The following EXOC4 variants were observed in gnomAD, a reference collection of about 807,000 sequenced individuals.
EXOC4 encodes the protein exocyst complex component 4.
EXOC4 carries 71 observed loss-of-function variants against 107.2 expected under a neutral mutation model. The ratio of observed to expected loss-of-function variants is 0.66; its 90% confidence interval spans 0.55 to 0.81. EXOC4 has a LOEUF of 0.81. Ranked by LOEUF, EXOC4 falls within the 30% of genes least tolerant of loss-of-function variation. The pLI, the probability that EXOC4 is intolerant of heterozygous loss-of-function variation, is 0.00. For synonymous variants in EXOC4, 456 were observed against 441.2 expected (o/e 1.03, Z -0.42); for missense variants, 1,108 against 1,189.6 (o/e 0.93, Z 1.01).
intron 7 of EXOC4, among the ~76,000 whole-genome samples, chr7:133,400,723 G>A (rs930456150): frequency 6.6e-6 from 1 of 152,034 alleles, no homozygotes; most frequent in Non-Finnish European, 1.5e-5. Flanking sequence ...GTTTGTTTTG[G>A]GCCCTCCTTT....
intron 7 of EXOC4, among the ~76,000 whole-genome samples, chr7:133,400,509 A>G (rs999135198): frequency 2.0e-5 from 3 of 152,122 alleles, no homozygotes; most frequent in Non-Finnish European, 4.4e-5. Context: ...GTGTTTTTAC[A>G]GTGTTGTCTC....
intron 8 of EXOC4, 138 bp from the exon 9 acceptor site, chr7:133,479,912 T>C (rs1374247938): frequency 1.4e-5 from 10 of 704,244 alleles, no homozygotes; most frequent in Non-Finnish European, 2.3e-5. Flanking sequence ...GGCCCTGTCA[T>C]GGTATAGCCA....
intron 14 of EXOC4, among the ~76,000 whole-genome samples, chr7:133,950,344 A>C (rs1800660928): frequency 6.6e-6 from 1 of 152,202 alleles, no homozygotes; most frequent in Admixed American, 6.5e-5. Flanking sequence ...TGAAATTTTT[A>C]ACTATTTTAA....
chr7:133,357,050 GCTGT>G (rs1158217991), intron 6 of EXOC4, among the ~76,000 whole-genome samples: 3 of 152,176 alleles, frequency 2.0e-5, no homozygotes, highest in African/African-American at 4.8e-5. Context: ...GCATAATTCA[GCTGT>G]CTGTTTTTTA....
At chr7:133,645,988 T>G (rs1315839849) in intron 10 of EXOC4, among the ~76,000 whole-genome samples, 1 of 152,182 alleles carries the variant, frequency 6.6e-6, no homozygotes, top group Admixed American at 6.5e-5. Context: ...GTCTGTAAAC[T>G]CCTTAAGTTA....
At chr7:133,929,442 C>A (rs2116691346) in intron 13 of EXOC4, among the ~76,000 whole-genome samples, 1 of 151,676 alleles carries the variant, frequency 6.6e-6, no homozygotes, top group South Asian at 2.1e-4. Flanking sequence ...ACCTACTGCT[C>A]CCAAATACAC....
At chr7:133,901,752 C>G (rs574843321) in intron 12 of EXOC4, among the ~76,000 whole-genome samples, 1 of 152,082 alleles carries the variant, frequency 6.6e-6, no homozygotes, top group Non-Finnish European at 1.5e-5. Flanking sequence ...CATAATCTGC[C>G]CTATAAAAGA....
At chr7:133,607,544 G>A (rs1801977598) in intron 9 of EXOC4, among the ~76,000 whole-genome samples, 1 of 152,142 alleles carries the variant, frequency 6.6e-6, no homozygotes, top group Admixed American at 6.5e-5. Context: ...CCAGCATCAA[G>A]CTCCAATATG....
In EXOC4 at chr7:133,253,192, G is replaced by A. The variant is rs2150493317; in HGVS notation, c.86+5G>A. ...GCTGCTCATCTCTGTGATCAGGTGAGGGAGGCAGGAGGCAGGGTCTGGGGA... is the reference window on the plus strand; with the variant it reads ...GCTGCTCATCTCTGTGATCAGGTGAAGGAGGCAGGAGGCAGGGTCTGGGGA... On this transcript the variant is annotated splice_donor_5th_base_variant and intron_variant, in intron 1 of 17. Coordinates refer to ENST00000253861, the MANE Select transcript of EXOC4 (RefSeq NM_021807.4). 4 of 1,613,768 alleles carry A rather than the reference G, an allele frequency of 2.5e-6. No homozygotes were observed. Among genetic ancestry groups the A allele is most frequent in the Non-Finnish European group, 3.4e-6 (4 of 1,179,742 alleles).
intron 6 of EXOC4, among the ~76,000 whole-genome samples, chr7:133,367,908 G>A (rs1476752562): frequency 6.6e-6 from 1 of 152,134 alleles, no homozygotes; most frequent in Non-Finnish European, 1.5e-5. Context: ...CTTCATTTCA[G>A]TCTTACTTTC....
chr7:133,588,883 A>G (rs1801470159), intron 9 of EXOC4, among the ~76,000 whole-genome samples: 1 of 151,304 alleles, frequency 6.6e-6, no homozygotes, highest in Non-Finnish European at 1.5e-5. Flanking sequence ...GTCTCAAAAA[A>G]GTGTGTGTGT....
chr7:133,472,874 G>T (rs1798917487), intron 7 of EXOC4, among the ~76,000 whole-genome samples: 1 of 151,932 alleles, frequency 6.6e-6, no homozygotes, highest in Non-Finnish European at 1.5e-5. Flanking sequence ...CTGATGATGA[G>T]AAAAAGAAAA....
chr7:133,374,993 T>C lies in EXOC4; in HGVS notation c.1173T>C (p.Asp391=), dbSNP rs972748042. The C allele has an allele frequency of 6.2e-7, 1 of 1,613,074 alleles. No individual in the cohort carries two copies. The highest frequency in any genetic ancestry group is 1.7e-5 in the Admixed American group (1 of 59,998). Residue 391 remains aspartate, a synonymous_variant, in exon 7 of 18, where the codon GAT becomes GAC. Transcript: ENST00000253861. ...CAGATGTATGGGTGAAGATCCAAGA[T>C]GTTCTACAGGTAAGAGCCTTTTACA... The part of the protein sequence containing the change: ...DMADVWVKIQ[D]VLQMLLTEYL...
At chr7:134,035,525 A>G (rs79233329) in intron 17 of EXOC4, among the ~76,000 whole-genome samples, 1 of 152,210 alleles carries the variant, frequency 6.6e-6, no homozygotes, top group Admixed American at 6.5e-5. Context: ...AGTATTACAG[A>G]TGAGCCATAT....
At chr7:133,687,665 G>A (rs974400613) in intron 10 of EXOC4, among the ~76,000 whole-genome samples, 3 of 152,206 alleles carry the variant, frequency 2.0e-5, no homozygotes, top group Admixed American at 6.5e-5. Context: ...TTCTTCCTTT[G>A]CAGTAATCAC....
intron 10 of EXOC4, among the ~76,000 whole-genome samples, chr7:133,803,976 TG>T (rs1438273191): frequency 6.6e-6 from 1 of 152,162 alleles, no homozygotes; most frequent in Admixed American, 6.5e-5. Flanking sequence ...AGTTCACTTT[TG>T]ATGTGAATTT....
At chr7:133,560,086 C>T (rs1800777783) in intron 9 of EXOC4, among the ~76,000 whole-genome samples, 2 of 152,086 alleles carry the variant, frequency 1.3e-5, no homozygotes, top group African/African-American at 2.4e-5. Flanking sequence ...TTATGTTTGG[C>T]TTAGAAAACT....
chr7:134,055,281 G>T (rs1194965688), intron 17 of EXOC4, among the ~76,000 whole-genome samples: 1 of 152,182 alleles, frequency 6.6e-6, no homozygotes, highest in African/African-American at 2.4e-5. Flanking sequence ...CCAAGTGATG[G>T]CTGAATAGCA....
chr7:133,409,796 C>T (rs531702001), intron 7 of EXOC4, among the ~76,000 whole-genome samples: 2 of 152,080 alleles, frequency 1.3e-5, no homozygotes, highest in African/African-American at 2.4e-5. Context: ...CTCTTCATAG[C>T]TCTGAGTTAG....
Sources: gnomAD v4.1 joint callset for allele counts (sites outside exome capture counted in the v4.1 genomes callset) on GRCh38, gnomAD v4.1.1 for gene constraint, MANE v1.5 for transcripts, NCBI Gene and HGNC (gene_info 2026-07-23, HGNC 2026-07-21) for gene names.